RANBP2: variants seen among roughly 807,000 people sequenced by gnomAD.
RANBP2 encodes the protein RAN binding protein 2.
Under a neutral mutation model 303.6 loss-of-function variants are expected in RANBP2, and 57 were observed. The ratio of observed to expected loss-of-function variants is 0.19; its 90% confidence interval spans 0.15 to 0.23. RANBP2 has a LOEUF of 0.23. RANBP2 is among the 10% of genes least tolerant of loss of function. The pLI is 1.00. For synonymous variants in RANBP2, 1,167 were observed against 1,301.5 expected (o/e 0.90, Z 2.23); for missense variants, 3,138 against 3,780.8 (o/e 0.83, Z 4.46).
At chr2:109,075,096 C>G in the RANBP2 span, among the ~76,000 whole-genome samples, 32 of 145,740 alleles carry the variant, frequency 2.2e-4, no homozygotes, top group African/African-American at 8.0e-4. Context: ...TAATGTCGTA[C>G]CTTAAGGAAC....
At chr2:108,982,341 G>C in the RANBP2 span, among the ~76,000 whole-genome samples, 1,323 of 152,314 alleles carry the variant, frequency 8.7e-3, 3 homozygotes, top group Non-Finnish European at 0.015. Flanking sequence ...ACCCTCCCTG[G>C]TGGGAGGCTG....
chr2:108,750,226 A>G (rs1675761844), intron 9 of RANBP2, among the ~76,000 whole-genome samples: 2 of 152,264 alleles, frequency 1.3e-5, no homozygotes, highest in East Asian at 3.8e-4. Context: ...TTTATGTATG[A>G]TTTATCTTGC....
the RANBP2 span, among the ~76,000 whole-genome samples, chr2:109,136,490 C>T: frequency 1.3e-5 from 2 of 152,140 alleles, no homozygotes; most frequent in Non-Finnish European, 2.9e-5. Flanking sequence ...TCCCTTTTCC[C>T]ATTGAGTGAA....
chr2:109,552,854 A>ATT, the RANBP2 span: 3 of 440,774 alleles, frequency 6.8e-6, no homozygotes, highest in Non-Finnish European at 1.2e-5. Flanking sequence ...TAAGAATTTC[A>ATT]ACGATTAGTG....
At chr2:109,514,360 C>T in the RANBP2 span, among the ~76,000 whole-genome samples, 1 of 152,118 alleles carries the variant, frequency 6.6e-6, no homozygotes, top group African/African-American at 2.4e-5. Context: ...AAACGCAGCC[C>T]CGGGTGTGCG....
chr2:108,982,064 C>G, the RANBP2 span, among the ~76,000 whole-genome samples: 244 of 152,340 alleles, frequency 1.6e-3, no homozygotes, highest in African/African-American at 5.5e-3. Context: ...GGCTCAGTAA[C>G]AGCACCATGC....
the RANBP2 span, among the ~76,000 whole-genome samples, chr2:108,911,758 C>T: frequency 6.6e-6 from 1 of 152,252 alleles, no homozygotes; most frequent in South Asian, 2.1e-4. Context: ...GATTTGCCAC[C>T]ACCCAAATAG....
chr2:108,916,010 C>T, the RANBP2 span, among the ~76,000 whole-genome samples: 2 of 152,326 alleles, frequency 1.3e-5, no homozygotes, highest in Middle Eastern at 3.4e-3. Context: ...CCCTCACAGA[C>T]CTTACTGAAG....
chr2:109,117,404 C>T, the RANBP2 span, among the ~76,000 whole-genome samples: 1 of 152,240 alleles, frequency 6.6e-6, no homozygotes, highest in Non-Finnish European at 1.5e-5. Context: ...TGCTAGCAAT[C>T]AGCGAGACTC....
At chr2:109,124,422 C>A in the RANBP2 span, 1 of 152,066 alleles carries the variant, frequency 6.6e-6, no homozygotes, top group African/African-American at 2.4e-5. Context: ...GATCTGCCCG[C>A]CTCGGCCTCC....
the RANBP2 span, among the ~76,000 whole-genome samples, chr2:109,442,616 C>T: frequency 6.6e-6 from 1 of 152,096 alleles, no homozygotes; most frequent in East Asian, 1.9e-4. Flanking sequence ...TGGTATACTA[C>T]TGTAACATTC....
At chr2:108,891,932 A>G in the RANBP2 span, among the ~76,000 whole-genome samples, 5 of 152,114 alleles carry the variant, frequency 3.3e-5, no homozygotes, top group Non-Finnish European at 2.9e-5. Context: ...TCAGGTACCC[A>G]AGGTGGTGGA....
At chr2:109,605,584 A>G in the RANBP2 span, 5 of 152,246 alleles carry the variant, frequency 3.3e-5, no homozygotes, top group African/African-American at 1.2e-4. Context: ...TGTAGCTAAA[A>G]AAGCTAATCA....
At chr2:109,760,153 G>C in the RANBP2 span, 24 of 141,234 alleles carry the variant, frequency 1.7e-4, no homozygotes, top group Non-Finnish European at 2.9e-4. Context: ...GAGGATGCGG[G>C]AAACTTTGGG....
the RANBP2 span, among the ~76,000 whole-genome samples, chr2:109,331,605 G>A: frequency 2.0e-5 from 3 of 151,994 alleles, no homozygotes; most frequent in East Asian, 1.9e-4. Context: ...ACTATACTAC[G>A]TACTTTTAAT....
chr2:109,323,496 T>TGGTA, the RANBP2 span, among the ~76,000 whole-genome samples: 1 of 152,234 alleles, frequency 6.6e-6, no homozygotes, highest in Non-Finnish European at 1.5e-5. Context: ...TGTTAGTGAT[T>TGGTA]GGTAGCATGC....
chr2:108,731,656 A>T, intron 4 of RANBP2, 182 bp downstream of exon 4: 5 of 1,198,376 alleles, frequency 4.2e-6, no homozygotes, highest in Non-Finnish European at 5.7e-6. Flanking sequence ...GCATTGTTAT[A>T]CTTTATAAGT....
chr2:109,668,674 T>G, the RANBP2 span, among the ~76,000 whole-genome samples: 1 of 152,044 alleles, frequency 6.6e-6, no homozygotes, highest in African/African-American at 2.4e-5. Context: ...GAAAGCAAAA[T>G]GAAGGAAATG....
At chr2:109,284,162 G>C in the RANBP2 span, among the ~76,000 whole-genome samples, 1 of 152,196 alleles carries the variant, frequency 6.6e-6, no homozygotes, top group African/African-American at 2.4e-5. Context: ...ACAGAGGGGC[G>C]GTCCCAGGGG....
Sources: gnomAD v4.1 joint callset for allele counts (sites outside exome capture counted in the v4.1 genomes callset) on GRCh38, gnomAD v4.1.1 for gene constraint, MANE v1.5 for transcripts, NCBI Gene and HGNC (gene_info 2026-07-23, HGNC 2026-07-21) for gene names.